Variants in UBAC2 observed in about 807,000 individuals in gnomAD.
UBAC2 encodes the protein ubiquitin-associated domain-containing protein 2.
A neutral mutation model predicts 44.0 loss-of-function variants in UBAC2; 26 were observed. The ratio of observed to expected loss-of-function variants is 0.59; its 90% CI spans 0.43 to 0.82. The LOEUF is 0.82. UBAC2 is among the 40% of genes least tolerant of loss of function. The pLI is 0.00. For missense variants in UBAC2, 329 were observed against 419.4 expected (o/e 0.78, Z 1.88); for synonymous variants, 155 against 154.3 (o/e 1.00, Z -0.04).
At chr13:99,208,317 C>T (rs2042898875) in intron 1 of UBAC2, among the ~76,000 whole-genome samples, 1 of 152,136 alleles carries the variant, frequency 6.6e-6, no homozygotes, top group African/African-American at 2.4e-5. Context: ...CTTTAAAATA[C>T]ACTCAGTTGG....
intron 8 of UBAC2, among the ~76,000 whole-genome samples, chr13:99,368,791 C>G (rs960147678): frequency 6.6e-6 from 1 of 151,858 alleles, no homozygotes; most frequent in African/African-American, 2.4e-5. Flanking sequence ...AGTGGGCTCA[C>G]CTACTGCCCA....
chr13:99,376,475 C>A (rs1450055930), intron 8 of UBAC2, among the ~76,000 whole-genome samples: 1 of 152,212 alleles, frequency 6.6e-6, no homozygotes, highest in African/African-American at 2.4e-5. Flanking sequence ...GTCTTCATCC[C>A]CGTGAGGGCG....
chr13:99,281,617 A>G (rs576451257), intron 4 of UBAC2, among the ~76,000 whole-genome samples: 1 of 152,342 alleles, frequency 6.6e-6, no homozygotes, highest in South Asian at 2.1e-4. Context: ...GCTATTTTCT[A>G]TAAATTGATA....
At chr13:99,299,573 A>AATGTTC (rs1405796041) in intron 4 of UBAC2, among the ~76,000 whole-genome samples, 1 of 152,204 alleles carries the variant, frequency 6.6e-6, no homozygotes, top group Non-Finnish European at 1.5e-5. Context: ...TTCTATTCAG[A>AATGTTC]ATGTTCATTT....
chr13:99,332,328 G>T (rs2044727610), intron 6 of UBAC2, among the ~76,000 whole-genome samples: 1 of 152,140 alleles, frequency 6.6e-6, no homozygotes, highest in South Asian at 2.1e-4. Flanking sequence ...TTTCTACCCA[G>T]CAAATTAAAT....
rs116291642 is a variant in UBAC2 at position 99,343,303 on chromosome 13, C to T, written c.807+2738C>T. ...ATTCTTGGCTGTTTGCGCACGCCCTCGCTCCAGGATTCTACGGACCCCCAT... is the reference window on the plus strand; with the variant it reads ...ATTCTTGGCTGTTTGCGCACGCCCTTGCTCCAGGATTCTACGGACCCCCAT... On this transcript the variant is annotated intron_variant, in intron 7 of 8. Coordinates refer to ENST00000403766, the MANE Select transcript of UBAC2 (RefSeq NM_001144072.2). Among the ~76,000 whole-genome samples, 215 of 152,346 alleles carry T rather than the reference C, an allele frequency of 1.4e-3. 1 individual carries two copies. Among genetic ancestry groups the T allele is most frequent in the African/African-American group, 3.7e-3 (154 of 41,568 alleles).
At chr13:99,227,533 G>A (rs1473029577) in intron 1 of UBAC2, among the ~76,000 whole-genome samples, 1 of 152,198 alleles carries the variant, frequency 6.6e-6, no homozygotes, top group African/African-American at 2.4e-5. Context: ...GAGTGGGGGT[G>A]GGGAGCAGTC....
chr13:99,250,587 A>T (rs1157398427), intron 4 of UBAC2, among the ~76,000 whole-genome samples: 1 of 151,810 alleles, frequency 6.6e-6, no homozygotes, highest in Non-Finnish European at 1.5e-5. Context: ...TTTTAGAATA[A>T]TTTTTTCTAA....
At chr13:99,281,847 G>C (rs943074302) in intron 4 of UBAC2, among the ~76,000 whole-genome samples, 1 of 152,092 alleles carries the variant, frequency 6.6e-6, no homozygotes, top group African/African-American at 2.4e-5. Flanking sequence ...GGAGACTCAG[G>C]CTTTTAACAC....
At chr13:99,363,858 C>G (rs770108621) in intron 7 of UBAC2, among the ~76,000 whole-genome samples, 8 of 152,204 alleles carry the variant, frequency 5.3e-5, no homozygotes, top group Non-Finnish European at 1.0e-4. Flanking sequence ...AGGCTCAATT[C>G]AGGAACATGC....
At chr13:99,272,494 T>G (rs2043828697) in intron 4 of UBAC2, among the ~76,000 whole-genome samples, 1 of 152,196 alleles carries the variant, frequency 6.6e-6, no homozygotes, top group Non-Finnish European at 1.5e-5. Flanking sequence ...CTTAGTAAAC[T>G]CGTGCTGTCA....
At chr13:99,221,238 A>G (rs1339402846) in intron 1 of UBAC2, among the ~76,000 whole-genome samples, 1 of 152,230 alleles carries the variant, frequency 6.6e-6, no homozygotes, top group African/African-American at 2.4e-5. Context: ...CTAAATTCCT[A>G]GAAATGGATT....
intron 7 of UBAC2, among the ~76,000 whole-genome samples, chr13:99,346,373 G>A (rs948432253): frequency 6.6e-6 from 1 of 152,154 alleles, no homozygotes; most frequent in Non-Finnish European, 1.5e-5. Context: ...AAATCTGCTT[G>A]TTTCACTCCA....
chr13:99,242,920 G>A (rs990004199), intron 2 of UBAC2, among the ~76,000 whole-genome samples: 5 of 151,008 alleles, frequency 3.3e-5, no homozygotes, highest in African/African-American at 9.8e-5. Context: ...ATGGGCGGCC[G>A]GGTAGAGACG....
At chr13:99,329,714 T>A (rs2044688341) in intron 6 of UBAC2, among the ~76,000 whole-genome samples, 1 of 152,118 alleles carries the variant, frequency 6.6e-6, no homozygotes, top group Non-Finnish European at 1.5e-5. Flanking sequence ...GCTAGGTGTG[T>A]TTTTGAGCCA....
chr13:99,341,242 C>A (rs1210183091), intron 7 of UBAC2, among the ~76,000 whole-genome samples: 1 of 152,182 alleles, frequency 6.6e-6, no homozygotes, highest in Non-Finnish European at 1.5e-5. Context: ...TTCGCCTCCA[C>A]CTTCTTTACC....
intron 2 of UBAC2, among the ~76,000 whole-genome samples, chr13:99,239,733 G>C (rs2043279155): frequency 1.3e-5 from 2 of 152,224 alleles, no homozygotes. Context: ...GCCACATCCA[G>C]ATTAACACTT....
intron 8 of UBAC2, among the ~76,000 whole-genome samples, chr13:99,375,708 T>C (rs1057230035): frequency 1.3e-5 from 2 of 152,206 alleles, no homozygotes; most frequent in African/African-American, 2.4e-5. Flanking sequence ...TTGGAATGAA[T>C]GTCCCATTTT....
intron 5 of UBAC2, 42 bp downstream of exon 5, chr13:99,314,262 CTTTTT>C: frequency 8.3e-5 from 95 of 1,148,536 alleles, no homozygotes; most frequent in South Asian, 2.9e-4. Context: ...TTAACCAGAT[CTTTTT>C]TTTTTTTTTT....
Sources: allele counts gnomAD v4.1 joint callset (sites outside exome capture counted in the v4.1 genomes callset), GRCh38; gene constraint gnomAD v4.1.1; transcripts MANE v1.5; gene names NCBI Gene and HGNC (gene_info 2026-07-23, HGNC 2026-07-21).